The following AGBL1 variants were observed in gnomAD, a reference collection of about 807,000 sequenced individuals.
The protein encoded by AGBL1 is AGBL carboxypeptidase 1.
A neutral mutation model predicts 118.9 loss-of-function variants in AGBL1; 130 were observed. That is an observed-to-expected ratio of 1.09 (90% CI 0.95 to 1.26). The LOEUF (loss-of-function observed/expected upper bound fraction) is 1.26. AGBL1 is among the 50% of genes most tolerant of loss of function. The pLI is 0.00. For missense variants in AGBL1, 1,584 were observed against 1,298.1 expected, an observed-to-expected ratio of 1.22 and a Z score of -3.38; for synonymous variants, 555 against 478.9, an observed-to-expected ratio of 1.16 and a Z score of -2.08.
At chr15:86,140,953 A>G (rs1046621461) in intron 1 of AGBL1, among the ~76,000 whole-genome samples, 1 of 152,196 alleles carries the variant, frequency 6.6e-6, no homozygotes, top group Non-Finnish European at 1.5e-5. Context: ...ACTTTATCCT[A>G]TATGTGATGG....
At chr15:86,980,170 T>A (rs1260281609) in intron 23 of AGBL1, among the ~76,000 whole-genome samples, 1 of 152,144 alleles carries the variant, frequency 6.6e-6, no homozygotes, top group African/African-American at 2.4e-5. Context: ...ATCCTAGTTT[T>A]AAATCAGAAG....
At chr15:86,919,850 G>T (rs138165868), downstream of AGBL1, among the ~76,000 whole-genome samples, 125 of 152,302 alleles carry the variant, frequency 8.2e-4, no homozygotes, top group Non-Finnish European at 1.4e-3. Context: ...CACTCACAGT[G>T]TCTGGAGTCC....
downstream of AGBL1, among the ~76,000 whole-genome samples, chr15:86,917,073 T>C (rs138299404): frequency 4.6e-5 from 7 of 152,334 alleles, no homozygotes; most frequent in African/African-American, 1.4e-4. The surrounding 1 kb of genome is among the most constrained non-coding windows in gnomAD (Gnocchi z 4.8). Flanking sequence ...CTAATTTGTT[T>C]TCATCCACAT....
intron 1 of AGBL1, among the ~76,000 whole-genome samples, chr15:86,131,650 T>C (rs1224627425): frequency 6.6e-6 from 1 of 152,112 alleles, no homozygotes; most frequent in Non-Finnish European, 1.5e-5. Context: ...CACCGAATGG[T>C]AATAATCATA....
rs1246251746 is a variant in AGBL1 at position 86,787,701 on chromosome 15, C to A, written c.3158+113265C>A. On this transcript the variant is annotated intron_variant, in intron 22 of 22. Transcript: ENST00000614907. ...TAGTCCTCCAATGAACATGACAGCACAGATATATTTTTGAGGTTCTTATTG... is the reference window on the plus strand; with the variant it reads ...TAGTCCTCCAATGAACATGACAGCAAAGATATATTTTTGAGGTTCTTATTG... 2.6e-5 allele frequency among the ~76,000 whole-genome samples: 4 copies of A among 152,240 alleles called. No individual in the cohort carries two copies. The East Asian group carries it at 5.8e-4, about 22-fold the overall frequency.
chr15:86,754,333 G>T (rs927756537), intron 22 of AGBL1, among the ~76,000 whole-genome samples: 1 of 152,088 alleles, frequency 6.6e-6, no homozygotes, highest in Non-Finnish European at 1.5e-5. Flanking sequence ...CAGGTGCCAT[G>T]AGCAACTTGA....
chr15:86,838,941 TAAA>T (rs386383698), intron 22 of AGBL1, among the ~76,000 whole-genome samples: 1 of 48,006 alleles, frequency 2.1e-5, no homozygotes, highest in Non-Finnish European at 3.4e-5. Flanking sequence ...TGAGATCCTG[TAAA>T]AAAAAAAAAA....
At chr15:86,509,530 G>T (rs2083026891) in intron 18 of AGBL1, among the ~76,000 whole-genome samples, 2 of 152,094 alleles carry the variant, frequency 1.3e-5, no homozygotes, top group African/African-American at 4.8e-5. Flanking sequence ...GTCAGTGAAA[G>T]AATTTGAATA....
chr15:86,722,537 C>T (rs1423544056), intron 22 of AGBL1, among the ~76,000 whole-genome samples: 3 of 152,080 alleles, frequency 2.0e-5, no homozygotes, highest in Non-Finnish European at 4.4e-5. Context: ...AATGTTAGAC[C>T]TAAAACCATA....
chr15:86,164,855 A>G (rs1249068186), intron 5 of AGBL1, among the ~76,000 whole-genome samples: 2 of 152,196 alleles, frequency 1.3e-5, no homozygotes, highest in Non-Finnish European at 2.9e-5. Context: ...AGGCTGGGAT[A>G]GCTCCCTCAC....
At chr15:86,267,104 CT>C in intron 13 of AGBL1, 28 bp downstream of exon 13, 1 of 1,511,304 alleles carries the variant, frequency 6.6e-7, no homozygotes, top group Non-Finnish European at 9.0e-7. Flanking sequence ...CAGTGGGTGT[CT>C]CCTGTCAGTT....
At position 86,154,471 on chromosome 15, in the gene AGBL1, G is replaced by T. The variant is rs767658695; in HGVS notation, c.304G>T (p.Asp102Tyr). ...GAAGGCCCTAGAATTGGAAGCACTT[G>T]ATGTGACATTGATTCTGGCCAGGAA... Reference protein sequence around the residue: ...GRKALELEALDVTLILARKNL... With the variant: ...GRKALELEALYVTLILARKNL... The change falls in exon 4 of 23, where the codon GAT becomes TAT. Residue 102 changes from aspartate to tyrosine, a missense_variant. Coordinates refer to ENST00000614907, the MANE Select transcript of AGBL1 (RefSeq NM_001386094.1). 6.2e-7 allele frequency: 1 copy of T among 1,613,022 alleles called. No individual in the cohort carries two copies. The highest frequency in any genetic ancestry group is 8.5e-7 in the Non-Finnish European group (1 of 1,179,506).
intron 24 of AGBL1, among the ~76,000 whole-genome samples, chr15:87,015,648 T>C (rs1282887897): frequency 6.6e-6 from 1 of 152,142 alleles, no homozygotes; most frequent in Non-Finnish European, 1.5e-5. Context: ...ATAAATCTAT[T>C]TATCTCCTAA....
chr15:86,539,004 T>C (rs564845127), intron 19 of AGBL1, among the ~76,000 whole-genome samples: 20 of 152,342 alleles, frequency 1.3e-4, no homozygotes, highest in Non-Finnish European at 2.5e-4. Flanking sequence ...ATGGAACTCA[T>C]GTTTGCATGA....
At chr15:86,172,617 C>A (rs1483179854) in intron 5 of AGBL1, among the ~76,000 whole-genome samples, 1 of 152,132 alleles carries the variant, frequency 6.6e-6, no homozygotes, top group African/African-American at 2.4e-5. Context: ...GTCTGTGTCT[C>A]GCTTATTTCA....
chr15:86,631,672 T>C (rs1371721512), intron 21 of AGBL1, among the ~76,000 whole-genome samples: 1 of 152,092 alleles, frequency 6.6e-6, no homozygotes, highest in Non-Finnish European at 1.5e-5. Flanking sequence ...CACTCCCTGA[T>C]GGGAGGTGTG....
intron 24 of AGBL1, among the ~76,000 whole-genome samples, chr15:87,021,409 G>C (rs541468829): frequency 6.6e-6 from 1 of 152,252 alleles, no homozygotes; most frequent in South Asian, 2.1e-4. Flanking sequence ...GAAAATCCAG[G>C]CAATACCATT....
chr15:86,894,107 C>T (rs1286062298), intron 22 of AGBL1, among the ~76,000 whole-genome samples: 1 of 152,168 alleles, frequency 6.6e-6, no homozygotes, highest in Non-Finnish European at 1.5e-5. Flanking sequence ...TACAGGACAT[C>T]AAAGCTTCCT....
intron 17 of AGBL1, among the ~76,000 whole-genome samples, chr15:86,394,812 T>G (rs1162058215): frequency 6.6e-6 from 1 of 152,070 alleles, no homozygotes; most frequent in Non-Finnish European, 1.5e-5. Flanking sequence ...ACTGTCCCCT[T>G]TAATTAGTTT....
Sources: allele counts gnomAD v4.1 joint callset (sites outside exome capture counted in the v4.1 genomes callset), GRCh38; gene constraint gnomAD v4.1.1; non-coding constraint Gnocchi (gnomAD v3.1); transcripts MANE v1.5; gene names NCBI Gene and HGNC (gene_info 2026-07-23, HGNC 2026-07-21).